CPXM2: variants seen among roughly 807,000 people sequenced by gnomAD.
The protein encoded by CPXM2 is inactive carboxypeptidase-like protein X2.
CPXM2 carries 66 observed loss-of-function variants against 86.1 expected under a neutral mutation model. The ratio of observed to expected loss-of-function variants is 0.77; its 90% confidence interval spans 0.63 to 0.94. The LOEUF is 0.94. Ranked by LOEUF, CPXM2 falls within the 40% of genes least tolerant of loss-of-function variation. The pLI is 0.00. For synonymous variants in CPXM2, 388 were observed against 400.2 expected (o/e 0.97, Z 0.36); for missense variants, 948 against 1,026.3 (o/e 0.92, Z 1.04).
At chr10:123,844,487 A>T (rs983783156) in intron 3 of CPXM2, among the ~76,000 whole-genome samples, 1 of 152,180 alleles carries the variant, frequency 6.6e-6, no homozygotes, top group South Asian at 2.1e-4. Flanking sequence ...AACAGACTCA[A>T]TTTTGCTTAA....
chr10:123,790,578 A>G (rs543706453), intron 6 of CPXM2, among the ~76,000 whole-genome samples: 4 of 152,180 alleles, frequency 2.6e-5, no homozygotes, highest in Non-Finnish European at 5.9e-5. Flanking sequence ...GGAGTTCACT[A>G]TATTTAACAG....
chr10:123,761,367 G>A (rs1250892933), intron 11 of CPXM2, among the ~76,000 whole-genome samples: 2 of 152,156 alleles, frequency 1.3e-5, no homozygotes, highest in African/African-American at 4.8e-5. Flanking sequence ...TGGATGCCTG[G>A]CCCCCTCTGT....
At chr10:123,789,010 G>A (rs1250581996) in intron 6 of CPXM2, among the ~76,000 whole-genome samples, 1 of 152,044 alleles carries the variant, frequency 6.6e-6, no homozygotes, top group African/African-American at 2.4e-5. Flanking sequence ...AGGAGCAGCT[G>A]CCATTGTGGC....
intron 7 of CPXM2, among the ~76,000 whole-genome samples, chr10:123,772,262 GTTCTC>G (rs1846655715): frequency 5.5e-4 from 1 of 1,818 alleles, no homozygotes; most frequent in East Asian, 0.031. Flanking sequence ...CCTGGTTGTG[GTTCTC>G]ACCTTCACTG....
At chr10:123,819,057 G>T (rs887062328) in intron 4 of CPXM2, among the ~76,000 whole-genome samples, 1 of 145,976 alleles carries the variant, frequency 6.9e-6, no homozygotes, top group Non-Finnish European at 1.5e-5. Context: ...CATTAAACTG[G>T]AAGTTAAAAT....
chr10:123,889,742 T>A (rs1027424064), intron 1 of CPXM2, among the ~76,000 whole-genome samples: 1 of 152,124 alleles, frequency 6.6e-6, no homozygotes, highest in Non-Finnish European at 1.5e-5. Context: ...TGATTCCAGA[T>A]CCCCAAGTTG....
At position 123,831,406 on chromosome 10, in the gene CPXM2, A is replaced by G. The variant is rs184783152; in HGVS notation, c.653+10943T>C. Among the ~76,000 whole-genome samples, 58 of 152,352 alleles carry G rather than the reference A, an allele frequency of 3.8e-4. No homozygotes were observed. In the East Asian group the frequency reaches 0.011, roughly 29 times the overall value. ...CCTACAGCTGGGAGCTCCAGGACCC[A>G]TGACCCAGTATCGGACAGCCAGGCA... is the stretch of plus-strand genomic sequence containing the variant. On this transcript the variant is annotated intron_variant, in intron 4 of 13. Transcript: ENST00000241305.
intron 2 of CPXM2, among the ~76,000 whole-genome samples, chr10:123,903,230 G>A (rs1945400641): frequency 6.6e-6 from 1 of 152,192 alleles, no homozygotes; most frequent in African/African-American, 2.4e-5. Flanking sequence ...CTGGGCCTAG[G>A]CCACAGAGGG....
intron 1 of CPXM2, among the ~76,000 whole-genome samples, chr10:123,890,029 G>T (rs192766355): frequency 6.6e-5 from 10 of 152,306 alleles, no homozygotes; most frequent in Non-Finnish European, 4.4e-5. Flanking sequence ...AAGCCAGCAA[G>T]TGACGCTGAG....
At position 123,904,912 on chromosome 10, in the gene CPXM2, A is replaced by ATCTGCATCCTGT. The variant is rs1184917723; in HGVS notation, n.175-24604_175-24603insACAGGATGCAGA. Among the ~76,000 whole-genome samples the ATCTGCATCCTGT allele has an allele frequency of 1.5e-5, 2 of 131,662 alleles. 1 individual carries two copies. Among genetic ancestry groups the ATCTGCATCCTGT allele is most frequent in the Non-Finnish European group, 3.1e-5 (2 of 63,988 alleles). The allele number at this position is 131,662 out of a possible 152,430, so 86.4% of individuals were successfully genotyped here. On this transcript the variant is annotated intron_variant and non_coding_transcript_variant, in intron 2 of 19. Coordinates refer to the CPXM2 transcript ENST00000368854. ...ACCTGGAGGGCCCGAGCTCTGCATC[A>ATCTGCATCCTGT]CACCTGCATCCTAGTGAGGGATCAG... is the stretch of plus-strand genomic sequence containing the variant.
At chr10:123,842,195 A>C (rs1413100426) in intron 4 of CPXM2, among the ~76,000 whole-genome samples, 154 bp downstream of exon 4, 1 of 152,228 alleles carries the variant, frequency 6.6e-6, no homozygotes, top group Non-Finnish European at 1.5e-5. Context: ...ATGTGTCGAC[A>C]ACGAGCCCAG....
chr10:123,836,462 G>T (rs1482339577), intron 4 of CPXM2, among the ~76,000 whole-genome samples: 1 of 151,816 alleles, frequency 6.6e-6, no homozygotes, highest in Non-Finnish European at 1.5e-5. Flanking sequence ...CAACGCCCTT[G>T]TTCCTGATCT....
At chr10:123,861,732 G>C (rs112301000) in intron 3 of CPXM2, among the ~76,000 whole-genome samples, 43 of 152,286 alleles carry the variant, frequency 2.8e-4, no homozygotes, top group Admixed American at 1.0e-3. Context: ...ACTGAAAAGG[G>C]GAAGAAAATT....
At chr10:123,855,430 G>T (rs920883019) in intron 3 of CPXM2, among the ~76,000 whole-genome samples, 1 of 152,188 alleles carries the variant, frequency 6.6e-6, no homozygotes, top group Non-Finnish European at 1.5e-5. Flanking sequence ...TCAAAGACAC[G>T]GGTGCAGGGC....
At chr10:123,895,255 C>G (rs1006473584), upstream of CPXM2, among the ~76,000 whole-genome samples, 3 of 151,242 alleles carry the variant, frequency 2.0e-5, no homozygotes, top group Non-Finnish European at 4.4e-5. Flanking sequence ...TCCCAAGTAG[C>G]TGGGATTACA....
intron 2 of CPXM2, among the ~76,000 whole-genome samples, chr10:123,927,677 TA>T (rs1945635482): frequency 6.6e-6 from 1 of 152,328 alleles, no homozygotes; most frequent in African/African-American, 2.4e-5. Flanking sequence ...TAGCTCCCAG[TA>T]GCTGTTAACA....
At chr10:123,835,198 C>T (rs78912370) in intron 4 of CPXM2, among the ~76,000 whole-genome samples, 14 of 152,214 alleles carry the variant, frequency 9.2e-5, no homozygotes, top group African/African-American at 2.6e-4. Context: ...AAAAAACAGG[C>T]GGGAAGCAAA....
At position 123,891,441 on chromosome 10, in the gene CPXM2, C is replaced by A; in HGVS notation, c.219G>T (p.Pro73=). The A allele has an allele frequency of 6.4e-7, 1 of 1,554,482 alleles. No homozygotes were observed. Among genetic ancestry groups the A allele is most frequent in the Non-Finnish European group, 8.7e-7 (1 of 1,148,978 alleles). The change falls in exon 1 of 14, where the codon CCG becomes CCT. Residue 73 remains proline (P), a synonymous_variant. Coordinates refer to ENST00000241305, the MANE Select transcript of CPXM2 (RefSeq NM_198148.3). The surrounding 1 kb of genome is among the most constrained non-coding windows in gnomAD (Gnocchi z 5.6). The part of the protein sequence containing the change: ...AGPGEEWERR[P]QEPRPPKRAT... ...CCCTCTTGGGCGGCCTGGGCTCCTG[C>A]GGGCGCCGCTCCCACTCCTCCCCGG...
At chr10:123,795,787 C>T (rs889003880) in intron 6 of CPXM2, among the ~76,000 whole-genome samples, 1 of 152,132 alleles carries the variant, frequency 6.6e-6, no homozygotes, top group Non-Finnish European at 1.5e-5. Context: ...CACAGTGTAA[C>T]CCTGACTTTG....
Sources: gnomAD v4.1 joint callset for allele counts (sites outside exome capture counted in the v4.1 genomes callset) on GRCh38, gnomAD v4.1.1 for gene constraint, Gnocchi (gnomAD v3.1) non-coding constraint, MANE v1.5 for transcripts, NCBI Gene and HGNC (gene_info 2026-07-23, HGNC 2026-07-21) for gene names.